Variants in SLC1A6 observed in about 807,000 individuals in gnomAD.
SLC1A6 encodes excitatory amino acid transporter 4.
In SLC1A6, 15 loss-of-function variants were observed where a neutral mutation model predicts 42.1. The ratio of observed to expected loss-of-function variants is 0.36; its 90% CI spans 0.24 to 0.55. The LOEUF (loss-of-function observed/expected upper bound fraction) is 0.55, where lower values mean the gene tolerates loss of function less well. Among genes scored for constraint, SLC1A6 ranks in the 20% least tolerant of loss-of-function variants. SLC1A6 has a pLI of 0.88. For synonymous variants in SLC1A6, 317 were observed against 319.7 expected (o/e 0.99, Z 0.09); for missense variants, 542 against 772.5 (o/e 0.70, Z 3.54).
At chr19:14,983,006 G>T (rs1823614037), upstream of SLC1A6, among the ~76,000 whole-genome samples, 1 of 152,114 alleles carries the variant, frequency 6.6e-6, no homozygotes, top group African/African-American at 2.4e-5. Flanking sequence ...TCATCAAAAG[G>T]AAACGGAATT....
chr19:14,974,833 G>C (rs1242113207), intron 1 of SLC1A6: 1 of 151,822 alleles, frequency 6.6e-6, no homozygotes, highest in Non-Finnish European at 1.5e-5. Context: ...GGGTGGCTGA[G>C]TGGGGAGGAT....
intron 1 of SLC1A6, chr19:14,975,250 G>A (rs1439252165): frequency 6.6e-6 from 1 of 152,256 alleles, no homozygotes; most frequent in East Asian, 1.9e-4. Flanking sequence ...AGGGACTATG[G>A]TTAATGATCA....
At chr19:14,999,524 T>C (rs1042008955) in intron 1 of SLC1A6, among the ~76,000 whole-genome samples, 2 of 152,226 alleles carry the variant, frequency 1.3e-5, no homozygotes, top group African/African-American at 2.4e-5. Flanking sequence ...ACCTCTCCTG[T>C]GTCACAGGCC....
intron 1 of SLC1A6, among the ~76,000 whole-genome samples, chr19:14,997,832 G>T (rs940671629): frequency 5.3e-5 from 8 of 152,118 alleles, no homozygotes; most frequent in Admixed American, 3.9e-4. Flanking sequence ...GTAGGGCTGT[G>T]CTCCTTCCAA....
intron 9 of SLC1A6, among the ~76,000 whole-genome samples, chr19:14,950,972 G>A (rs946355008): frequency 2.0e-5 from 3 of 150,516 alleles, no homozygotes; most frequent in Non-Finnish European, 3.0e-5. Flanking sequence ...GAGGCAGGGC[G>A]TGGTGGCTCA....
intron 1 of SLC1A6, among the ~76,000 whole-genome samples, chr19:15,010,198 GAAAGAAAGAAA>G (rs1315361443): frequency 9.7e-5 from 6 of 61,772 alleles, no homozygotes; most frequent in Non-Finnish European, 1.3e-4. Flanking sequence ...AAAAAAAAAA[GAAAGAAAGAAA>G]AAAGAAAGAG....
chr19:14,979,206 G>A lies in SLC1A6; in HGVS notation c.-8+103C>T, dbSNP rs1007504. On this transcript the variant is annotated intron_variant, in intron 1 of 9. Transcript: ENST00000594383. The surrounding 1 kb of genome is among the most constrained non-coding windows in gnomAD (Gnocchi z 4.2). ...GAGCCCTATAAATGCACAAGGCATC[G>A]GGCTCGGTGCTGGAAACGTGCCTGT... 0.6 allele frequency: 91,171 copies of A among 152,012 alleles called. 27,433 individuals are homozygous for A. Among genetic ancestry groups the A allele is most frequent in the South Asian group, 0.69 (3,311 of 4,820 alleles). 9.4% of individuals were successfully genotyped at this position (152,012 alleles called of 1,614,324 possible).
Position 14,994,275 on chromosome 19 carries a change from A to G in SLC1A6, c.6+16210T>C, listed in dbSNP as rs369930152. 6.6e-5 allele frequency among the ~76,000 whole-genome samples: 10 copies of G among 152,074 alleles called. No homozygotes were observed. The East Asian group carries it at 1.7e-3, about 27-fold the overall frequency. On this transcript the variant is annotated intron_variant, in intron 1 of 8. Coordinates refer to the SLC1A6 transcript ENST00000430939. ...GGATGAAAGAGGGTGAGGCCAGAGT[A>G]TTTATTTCCTGGGGTGCCTCCCTGC...
In SLC1A6 at chr19:14,951,274, A is replaced by G. The variant is rs1568282470; in HGVS notation, c.1500-884T>C. Among the ~76,000 whole-genome samples, 5 of 46,152 alleles carry G rather than the reference A, an allele frequency of 1.1e-4. No individual in the cohort carries two copies. In the South Asian group the frequency reaches 4.1e-3, roughly 38 times the overall value. The allele number at this position is 46,152 out of a possible 152,430, so 30.3% of individuals were successfully genotyped here. ...CTCACAAAAAAAAAAAAAAAAAAAA[A>G]AAAAGAAAGAAAAGAAAAAAATGAA... On this transcript the variant is annotated intron_variant, in intron 9 of 9. Transcript: ENST00000594383.
chr19:15,002,905 TG>T (rs890051946), intron 1 of SLC1A6, among the ~76,000 whole-genome samples: 9 of 152,096 alleles, frequency 5.9e-5, no homozygotes, highest in Non-Finnish European at 1.3e-4. Context: ...TTTGTTTGTT[TG>T]TTTGTTTGTT....
intron 1 of SLC1A6, among the ~76,000 whole-genome samples, chr19:15,002,131 C>T (rs552989448): frequency 3.7e-4 from 56 of 149,778 alleles, no homozygotes; most frequent in African/African-American, 1.3e-3. Flanking sequence ...GCTGTGTTAC[C>T]CAGGCTGGAG....
chr19:14,965,987 A>G (rs370685145), intron 4 of SLC1A6, among the ~76,000 whole-genome samples: 84 of 152,318 alleles, frequency 5.5e-4, no homozygotes, highest in African/African-American at 2.0e-3. Context: ...AGCTATGAGT[A>G]TGCAGAAACA....
Position 14,979,050 on chromosome 19 carries a change from T to TCACTCACACACA in SLC1A6, c.-8+258_-8+259insTGTGTGTGAGTG, listed in dbSNP as rs1555708547. On this transcript the variant is annotated intron_variant, in intron 1 of 9. Coordinates refer to ENST00000594383, the MANE Select transcript of SLC1A6 (RefSeq NM_005071.3). This position sits in a 1 kb window ranked among gnomAD's most constrained non-coding sequence, Gnocchi z 4.2. ...CAAATTCAGTCTCTCTCTCTCTCTG[T>TCACTCACACACA]CACACACACACACACACACACACAC... Among the ~76,000 whole-genome samples the TCACTCACACACA allele has an allele frequency of 2.1e-4, 28 of 131,406 alleles. No individual in the cohort carries two copies. The highest frequency in any genetic ancestry group is 3.6e-4 in the Non-Finnish European group (22 of 61,942). The allele number at this position is 131,406 out of a possible 152,430, so 86.2% of individuals were successfully genotyped here.
At chr19:14,962,753 A>C (rs1016429508) in intron 5 of SLC1A6, among the ~76,000 whole-genome samples, 2 of 152,128 alleles carry the variant, frequency 1.3e-5, no homozygotes, top group African/African-American at 4.8e-5. Flanking sequence ...AAATACAAAA[A>C]TTAGCTGGGT....
chr19:14,965,429 A>C (rs527747860), intron 4 of SLC1A6, among the ~76,000 whole-genome samples: 1 of 152,326 alleles, frequency 6.6e-6, no homozygotes, highest in South Asian at 2.1e-4. Flanking sequence ...ACACCTGCAC[A>C]CATATGTTTA....
At chr19:14,960,310 G>T (rs953486828) in intron 6 of SLC1A6, among the ~76,000 whole-genome samples, 1 of 152,194 alleles carries the variant, frequency 6.6e-6, no homozygotes, top group Non-Finnish European at 1.5e-5. Context: ...GAATTAGAAT[G>T]AATAAATGAC....
At chr19:14,981,132 A>T (rs1180732874), upstream of SLC1A6, among the ~76,000 whole-genome samples, 8 of 96,612 alleles carry the variant, frequency 8.3e-5, no homozygotes, top group Admixed American at 4.5e-4. Context: ...GTCTCTATTT[A>T]AAAAAAAAAA....
In SLC1A6 at chr19:14,950,221, G is replaced by T. The variant is rs370044376; in HGVS notation, c.1669C>A (p.Arg557=). 1 of 1,586,034 alleles carries T rather than the reference G, an allele frequency of 6.3e-7. No individual in the cohort carries two copies. The highest frequency in any genetic ancestry group is 1.1e-5 in the South Asian group (1 of 88,058). ...CACATAGCACTCTCGTTGCCTCCCC[G>T]TCCCCGGGATGCCCCCTTCTCCTGT... ...MAQEKGASRG[R]GGNESAM Residue 557 remains arginine, a synonymous_variant, in exon 10 of 10, where the codon CGG becomes AGG. Coordinates refer to ENST00000594383, the MANE Select transcript of SLC1A6 (RefSeq NM_005071.3).
intron 9 of SLC1A6, among the ~76,000 whole-genome samples, chr19:14,951,493 T>TTTG (rs1169051311): frequency 1.5e-5 from 2 of 133,064 alleles, no homozygotes; most frequent in Admixed American, 1.6e-4. Context: ...ACCTCCTGGT[T>TTTG]TTGTTGTTGT....
Sources: gnomAD v4.1 joint callset for allele counts (sites outside exome capture counted in the v4.1 genomes callset) on GRCh38, gnomAD v4.1.1 for gene constraint, Gnocchi (gnomAD v3.1) non-coding constraint, MANE v1.5 for transcripts, NCBI Gene and HGNC (gene_info 2026-07-23, HGNC 2026-07-21) for gene names.